TMC7: variants seen among roughly 807,000 people sequenced by gnomAD.
TMC7 encodes transmembrane channel like 7.
TMC7 carries 54 observed loss-of-function variants against 82.9 expected under a neutral mutation model. The ratio of observed to expected loss-of-function variants is 0.65; its 90% CI spans 0.52 to 0.82. The LOEUF (loss-of-function observed/expected upper bound fraction) is 0.82, where lower values mean the gene tolerates loss of function less well. TMC7 is among the 40% of genes least tolerant of loss of function. The pLI is 0.00. For missense variants in TMC7, 820 were observed against 901.2 expected (o/e 0.91, Z 1.15); for synonymous variants, 350 against 337.9 (o/e 1.04, Z -0.39).
At chr16:19,022,579 G>A (rs1339987270) in intron 4 of TMC7, among the ~76,000 whole-genome samples, 1 of 152,204 alleles carries the variant, frequency 6.6e-6, no homozygotes, top group Non-Finnish European at 1.5e-5. Flanking sequence ...ATACCATACA[G>A]CCTAGGTGTG....
At chr16:19,028,684 C>T (rs1960347871) in intron 5 of TMC7, among the ~76,000 whole-genome samples, 1 of 151,922 alleles carries the variant, frequency 6.6e-6, no homozygotes, top group Non-Finnish European at 1.5e-5. Flanking sequence ...GAGACAGAGT[C>T]TCGCTCTGTT....
At chr16:19,003,118 C>T (rs967236106) in intron 1 of TMC7, among the ~76,000 whole-genome samples, 1 of 152,086 alleles carries the variant, frequency 6.6e-6, no homozygotes, top group African/African-American at 2.4e-5. Flanking sequence ...ATCACTTGAG[C>T]CCAGGAGTTT....
At chr16:19,006,801 G>A (rs1228171170) in intron 1 of TMC7, among the ~76,000 whole-genome samples, 1 of 152,044 alleles carries the variant, frequency 6.6e-6, no homozygotes, top group Non-Finnish European at 1.5e-5. Context: ...GATGCCCCAG[G>A]GGTTTTTTTT....
intron 7 of TMC7, among the ~76,000 whole-genome samples, chr16:19,037,119 A>G (rs985792909): frequency 2.6e-5 from 4 of 152,222 alleles, no homozygotes; most frequent in Admixed American, 2.0e-4. Context: ...GGGCTAGGCC[A>G]GGCGCAGTGG....
rs377539060 is a variant in TMC7 at position 19,009,350 on chromosome 16, T to C, written c.246T>C (p.Ala82=). The change falls in exon 2 of 16, where the codon GCT becomes GCC. Residue 82 remains alanine (A), a synonymous_variant. Coordinates refer to ENST00000304381, the MANE Select transcript of TMC7 (RefSeq NM_024847.4). ...GCTCCCAGCTGGAGGACAGAATCGC[T>C]GAAAACCTCAGCAGCCATTCTCTTC... ...SYSSQLEDRI[A]ENLSSHSLRN... 7.4e-6 allele frequency: 12 copies of C among 1,614,072 alleles called. No homozygotes were observed. The African/African-American group carries it at 1.5e-4, about 20-fold the overall frequency.
In TMC7 at chr16:19,045,361, G is replaced by A; in HGVS notation, c.1476G>A (p.Gly492=). Residue 492 remains glycine (G), a synonymous_variant, in exon 11 of 16, where the codon GGG becomes GGA. Transcript: ENST00000304381. ...KLYPCWETQV[G]QEMYKLMIFD... ...TTCAGTGCTGGGAGACCCAAGTTGG[G>A]CAGGAAATGTACAAGCTGATGATCT... is the stretch of plus-strand genomic sequence containing the variant. The A allele has an allele frequency of 6.2e-7, 1 of 1,614,024 alleles. No individual in the cohort carries two copies. The highest frequency in any genetic ancestry group is 8.5e-7 in the Non-Finnish European group (1 of 1,179,966).
Position 19,016,563 on chromosome 16 carries a change from T to G in TMC7, c.425T>G (p.Leu142Arg). 6.2e-7 allele frequency: 1 copy of G among 1,614,040 alleles called. No homozygotes were observed. Among genetic ancestry groups the G allele is most frequent in the Admixed American group, 1.7e-5 (1 of 60,006 alleles). Residue 142 changes from leucine (L) to arginine (R), a missense_variant, in exon 3 of 16, where the codon CTG (leucine) becomes CGG (arginine). This residue lies in a region of TMC7 where 650 missense variants were observed against 669.9 expected (regional missense o/e 0.97). Coordinates refer to ENST00000304381, the MANE Select transcript of TMC7 (RefSeq NM_024847.4). Reference protein sequence around the residue: ...LEKAREMTTHLELWREDIRSI... With the variant: ...LEKAREMTTHRELWREDIRSI... ...AAGGCTCGAGAGATGACGACCCACCTGGAGCTGTGGCGGGAGGACATCCGC... is the reference window on the plus strand; with the variant it reads ...AAGGCTCGAGAGATGACGACCCACCGGGAGCTGTGGCGGGAGGACATCCGC...
At chr16:19,018,409 C>G (rs1050379247) in intron 3 of TMC7, among the ~76,000 whole-genome samples, 13 of 152,200 alleles carry the variant, frequency 8.5e-5, no homozygotes, top group African/African-American at 3.1e-4. Context: ...GTTCACGTAA[C>G]CTTTGCTTTG....
chr16:19,030,083 G>A (rs574883329), intron 5 of TMC7, 141 bp from the exon 6 acceptor site: 21 of 790,828 alleles, frequency 2.7e-5, no homozygotes, highest in Admixed American at 1.5e-4. Flanking sequence ...TACTCCCTGT[G>A]CCTCTGGGGC....
intron 14 of TMC7, 149 bp downstream of exon 14, chr16:19,056,846 C>T (rs1193892498): frequency 5.4e-6 from 5 of 918,586 alleles, no homozygotes; most frequent in African/African-American, 5.0e-5. Flanking sequence ...CATAATAGGC[C>T]AGGCGCGGTG....
At chr16:19,000,222 T>A (rs1435914145) in intron 1 of TMC7, among the ~76,000 whole-genome samples, 4 of 151,992 alleles carry the variant, frequency 2.6e-5, no homozygotes, top group Non-Finnish European at 5.9e-5. Flanking sequence ...TCCCAGCACT[T>A]TGGGAGGCTG....
rs1412273929 is a variant in TMC7, at chr16:19,035,673, C to G, written c.858-3C>G. The G allele has an allele frequency of 1.2e-6, 2 of 1,614,110 alleles. No individual in the cohort carries two copies. The highest frequency in any genetic ancestry group is 2.7e-5 in the African/African-American group (2 of 75,038). On this transcript the variant is annotated splice_polypyrimidine_tract_variant and splice_region_variant and intron_variant, in intron 6 of 15. Transcript: ENST00000304381. ...AAGAAGGATGATTGTGTTTTGGGGTCAGGTCGGTGGAAGGATTCAAAATCA... is the reference window on the plus strand; with the variant it reads ...AAGAAGGATGATTGTGTTTTGGGGTGAGGTCGGTGGAAGGATTCAAAATCA...
intron 1 of TMC7, among the ~76,000 whole-genome samples, chr16:18,985,477 T>G (rs897217414): frequency 1.1e-4 from 16 of 152,188 alleles, no homozygotes; most frequent in African/African-American, 3.9e-4. Flanking sequence ...CAATAACAGC[T>G]AGTCAAGTAT....
At chr16:19,034,549 G>C (rs1960657144) in intron 6 of TMC7, among the ~76,000 whole-genome samples, 1 of 151,994 alleles carries the variant, frequency 6.6e-6, no homozygotes, top group African/African-American at 2.4e-5. Context: ...AGTGAGCCGA[G>C]ACTGCACCAC....
intron 12 of TMC7, chr16:19,049,591 C>CT (rs1171540053): frequency 6.1e-6 from 6 of 979,296 alleles, no homozygotes; most frequent in East Asian, 2.3e-4. Context: ...CTCACAGGAA[C>CT]TTTTTTTTCC....
At chr16:19,056,111 C>T (rs187225429) in intron 13 of TMC7, among the ~76,000 whole-genome samples, 10 of 147,996 alleles carry the variant, frequency 6.8e-5, no homozygotes, top group Admixed American at 3.4e-4. Context: ...TTTTTTGAGA[C>T]GGAGTTTTGC....
intron 1 of TMC7, among the ~76,000 whole-genome samples, chr16:19,006,715 C>T (rs2039246321): frequency 1.3e-5 from 2 of 152,206 alleles, no homozygotes; most frequent in South Asian, 2.1e-4. Flanking sequence ...CGGGGGAGCC[C>T]GCTTGCACTG....
chr16:19,061,787 G>A lies in TMC7; in HGVS notation c.2116G>A (p.Asp706Asn). Residue 706 changes from aspartate (D) to asparagine (N), a missense_variant, in exon 16 of 16, where the codon GAC becomes AAC. Physicochemically the swap from Asp to Asn is conservative, Grantham distance 23. Around this residue, in one of 2 missense-constraint regions of TMC7, gnomAD observed 170 missense variants for 231.3 expected, o/e 0.74. Transcript: ENST00000304381. ...LREQLSLESR[D>N]KCYLIQKLTE... ...ACTTATTATTTTTTAGGAAAGTCGT[G>A]ACAAGTGCTACCTAATCCAGAAACT... is the stretch of plus-strand genomic sequence containing the variant. 1 of 1,613,646 alleles carries A rather than the reference G, an allele frequency of 6.2e-7. No individual in the cohort carries two copies. The highest frequency in any genetic ancestry group is 8.5e-7 in the Non-Finnish European group (1 of 1,179,804).
intron 1 of TMC7, among the ~76,000 whole-genome samples, chr16:19,007,746 C>T (rs918299183): frequency 1.3e-5 from 2 of 151,294 alleles, no homozygotes; most frequent in Non-Finnish European, 2.9e-5. Context: ...GTTTACCCCT[C>T]TCATATCACC....
Sources: allele counts gnomAD v4.1 joint callset (sites outside exome capture counted in the v4.1 genomes callset), GRCh38; gene constraint gnomAD v4.1.1; regional missense constraint gnomAD v4.1.1; transcripts MANE v1.5; gene names NCBI Gene and HGNC (gene_info 2026-07-23, HGNC 2026-07-21).